The following RPS6KA2 variants were observed in gnomAD, a reference collection of about 807,000 sequenced individuals.
The protein encoded by RPS6KA2 is ribosomal protein S6 kinase alpha-2.
RPS6KA2 carries 42 observed loss-of-function variants against 91.8 expected under a neutral mutation model. The ratio of observed to expected loss-of-function variants is 0.46; its 90% CI spans 0.36 to 0.59. The LOEUF (loss-of-function observed/expected upper bound fraction) is 0.59, where lower values mean the gene tolerates loss of function less well. Ranked by LOEUF, RPS6KA2 falls within the 20% of genes least tolerant of loss-of-function variation. The pLI is 0.00. For missense variants in RPS6KA2, 798 were observed against 978.5 expected, an observed-to-expected ratio of 0.82 and a Z score of 2.46; for synonymous variants, 414 against 393.6, an observed-to-expected ratio of 1.05 and a Z score of -0.61.
At chr6:166,614,495 G>C (rs1294806110) in intron 1 of RPS6KA2, among the ~76,000 whole-genome samples, 1 of 152,202 alleles carries the variant, frequency 6.6e-6, no homozygotes, top group East Asian at 1.9e-4. Flanking sequence ...CCACACTGAG[G>C]CCACAGCCCT....
intron 2 of RPS6KA2, among the ~76,000 whole-genome samples, chr6:166,743,536 G>C (rs1236095108): frequency 6.6e-6 from 1 of 152,176 alleles, no homozygotes; most frequent in African/African-American, 2.4e-5. Flanking sequence ...GCTGGTCCTT[G>C]GTTGCTATAA....
chr6:166,480,479 T>TTATATATATATATATACATA (rs1781158280), intron 10 of RPS6KA2, among the ~76,000 whole-genome samples: 1 of 99,874 alleles, frequency 1.0e-5, no homozygotes, highest in African/African-American at 4.8e-5. Flanking sequence ...GATTGTGATT[T>TTATATATATATATATACATA]TATATATATA....
At chr6:166,721,151 G>T (rs1187964774) in intron 2 of RPS6KA2, among the ~76,000 whole-genome samples, 1 of 152,186 alleles carries the variant, frequency 6.6e-6, no homozygotes, top group Non-Finnish European at 1.5e-5. Context: ...ACTCAGATTG[G>T]TGTGTCTAAT....
At chr6:166,671,906 A>G (rs889856471) in intron 2 of RPS6KA2, among the ~76,000 whole-genome samples, 2 of 152,144 alleles carry the variant, frequency 1.3e-5, no homozygotes, top group Admixed American at 6.6e-5. Flanking sequence ...CGAGGTTCAG[A>G]TTCGCAGGAG....
chr6:166,532,134 A>G (rs59815364), intron 2 of RPS6KA2, among the ~76,000 whole-genome samples: 8,456 of 152,296 alleles, frequency 0.056, 784 homozygotes, highest in African/African-American at 0.19. Context: ...GGGCCGAGGT[A>G]GGGTGGCTCC....
intron 2 of RPS6KA2, among the ~76,000 whole-genome samples, chr6:166,637,302 C>A (rs914443346): frequency 6.6e-6 from 1 of 152,202 alleles, no homozygotes; most frequent in East Asian, 1.9e-4. Flanking sequence ...AGGGGCCATG[C>A]GAAGTCCTCA....
intron 2 of RPS6KA2, among the ~76,000 whole-genome samples, chr6:166,698,271 C>T (rs573870972): frequency 1.3e-5 from 2 of 152,226 alleles, no homozygotes; most frequent in East Asian, 1.9e-4. Context: ...GAGGATGGGT[C>T]GGTATACAGC....
In RPS6KA2 at chr6:166,806,029, T is replaced by A. The variant is rs536327473; in HGVS notation, c.123+52171A>T. Among the ~76,000 whole-genome samples, 3 of 152,100 alleles carry A rather than the reference T, an allele frequency of 2.0e-5. No individual in the cohort carries two copies. In the South Asian group the frequency reaches 6.2e-4, roughly 32 times the overall value. On this transcript the variant is annotated intron_variant, in intron 2 of 21. Transcript: ENST00000503859. ...AGATTTAAGCAGGCAGAAAAAAGAA[T>A]CCACATATTTAAGGATCGGAAAATG...
At chr6:166,640,916 GA>G (rs1323669955) in intron 2 of RPS6KA2, among the ~76,000 whole-genome samples, 1 of 152,146 alleles carries the variant, frequency 6.6e-6, no homozygotes, top group African/African-American at 2.4e-5. Context: ...CTTCAGGTGG[GA>G]GTGTGGCAAA....
intron 2 of RPS6KA2, among the ~76,000 whole-genome samples, chr6:166,740,667 G>A (rs962286521): frequency 2.0e-5 from 3 of 152,220 alleles, no homozygotes; most frequent in Admixed American, 1.3e-4. Flanking sequence ...CTTTGAAGAT[G>A]TTTGCAGCAT....
intron 2 of RPS6KA2, among the ~76,000 whole-genome samples, chr6:166,755,926 T>C (rs1777996251): frequency 6.6e-6 from 1 of 152,224 alleles, no homozygotes; most frequent in Non-Finnish European, 1.5e-5. Flanking sequence ...TTCTTTATGC[T>C]CAGTTTTCTT....
At chr6:166,814,660 G>A (rs1013482330) in intron 2 of RPS6KA2, among the ~76,000 whole-genome samples, 3 of 151,614 alleles carry the variant, frequency 2.0e-5, no homozygotes, top group Admixed American at 6.6e-5. Flanking sequence ...CCTGAGCTTC[G>A]CCACCTGTCA....
chr6:166,637,610 G>A (rs868344785), intron 2 of RPS6KA2, among the ~76,000 whole-genome samples: 20 of 152,356 alleles, frequency 1.3e-4, no homozygotes, highest in Middle Eastern at 3.4e-3. Context: ...CAAGCGCTCA[G>A]AACTTAAAGT....
At chr6:166,546,178 A>T (rs1298191267) in intron 1 of RPS6KA2, among the ~76,000 whole-genome samples, 1 of 152,154 alleles carries the variant, frequency 6.6e-6, no homozygotes, top group Admixed American at 6.5e-5. Context: ...GTAGCTACTG[A>T]CTGACATGAG....
chr6:166,651,516 A>G (rs1160283157), intron 2 of RPS6KA2, among the ~76,000 whole-genome samples: 2 of 152,224 alleles, frequency 1.3e-5, no homozygotes, highest in African/African-American at 4.8e-5. Context: ...AGAAGTAGAC[A>G]ATTCTTCACG....
intron 8 of RPS6KA2, among the ~76,000 whole-genome samples, chr6:166,491,397 G>C (rs546861095): frequency 1.3e-5 from 2 of 152,302 alleles, no homozygotes; most frequent in East Asian, 3.9e-4. Flanking sequence ...ACTCCCCCGG[G>C]CACATGCAGT....
At chr6:166,441,114 G>T (rs1779506282) in intron 14 of RPS6KA2, among the ~76,000 whole-genome samples, 1 of 152,186 alleles carries the variant, frequency 6.6e-6, no homozygotes, top group Admixed American at 6.5e-5. Flanking sequence ...CCTCAGTCAT[G>T]CAATCTGTTA....
At chr6:166,600,720 C>G (rs3823195) in intron 1 of RPS6KA2, among the ~76,000 whole-genome samples, 4,960 of 152,260 alleles carry the variant, frequency 0.033, 112 homozygotes, top group East Asian at 0.064. Context: ...AATAATATAG[C>G]TGCATGTAGC....
At chr6:166,413,212 G>A (rs1413886286) in intron 20 of RPS6KA2, among the ~76,000 whole-genome samples, 7 of 143,918 alleles carry the variant, frequency 4.9e-5, no homozygotes, top group Non-Finnish European at 1.5e-5. Context: ...TTCTGACAGT[G>A]AGGCCAGGTC....
Sources: gnomAD v4.1 joint callset for allele counts (sites outside exome capture counted in the v4.1 genomes callset) on GRCh38, gnomAD v4.1.1 for gene constraint, MANE v1.5 for transcripts, NCBI Gene and HGNC (gene_info 2026-07-23, HGNC 2026-07-21) for gene names.